Variants in DSCAM observed in about 807,000 individuals in gnomAD.
The protein encoded by DSCAM is DS cell adhesion molecule.
Under a neutral mutation model 217.7 loss-of-function variants are expected in DSCAM, and 47 were observed. The observed-to-expected ratio is 0.22, with a 90% CI of 0.17 to 0.28. DSCAM has a LOEUF of 0.28. Among genes scored for constraint, DSCAM ranks in the 10% least tolerant of loss-of-function variants. The pLI, the probability that DSCAM is intolerant of heterozygous loss-of-function variation, is 1.00. For missense variants in DSCAM, 2,080 were observed against 2,618.3 expected, an observed-to-expected ratio of 0.79 and a Z score of 4.49; for synonymous variants, 1,056 against 1,015.3, an observed-to-expected ratio of 1.04 and a Z score of -0.76.
At chr21:40,699,020 A>G (rs2090626138) in intron 2 of DSCAM, among the ~76,000 whole-genome samples, 1 of 152,106 alleles carries the variant, frequency 6.6e-6, no homozygotes, top group African/African-American at 2.4e-5. Flanking sequence ...TTACAAGTTG[A>G]AGATTTGTGG....
intron 9 of DSCAM, among the ~76,000 whole-genome samples, chr21:40,311,837 C>T (rs765673392): frequency 8.6e-5 from 13 of 151,358 alleles, no homozygotes; most frequent in Non-Finnish European, 1.9e-4. Context: ...TCCTATGGTT[C>T]CCACCTTCTT....
At chr21:40,072,513 ATT>A (rs1198528927) in intron 27 of DSCAM, among the ~76,000 whole-genome samples, 3 of 151,466 alleles carry the variant, frequency 2.0e-5, no homozygotes, top group Non-Finnish European at 4.4e-5. Context: ...CCCCCGGCTA[ATT>A]TTTTTTGTAT....
intron 20 of DSCAM, among the ~76,000 whole-genome samples, chr21:40,094,546 C>G (rs929023987): frequency 2.6e-5 from 4 of 152,156 alleles, no homozygotes; most frequent in Non-Finnish European, 5.9e-5. Flanking sequence ...TGTGAGGAAA[C>G]TACCCAAGGC....
At chr21:40,090,200 G>A (rs563529582) in intron 21 of DSCAM, among the ~76,000 whole-genome samples, 23 of 152,082 alleles carry the variant, frequency 1.5e-4, no homozygotes, top group South Asian at 1.2e-3. Flanking sequence ...TTGATTTCTC[G>A]TTTCTCCCTC....
intron 32 of DSCAM, among the ~76,000 whole-genome samples, chr21:40,041,237 C>T (rs1046948406): frequency 1.3e-5 from 2 of 151,984 alleles, no homozygotes; most frequent in Non-Finnish European, 2.9e-5. Context: ...AAATGAGAAA[C>T]AAAACTGGAT....
intron 1 of DSCAM, among the ~76,000 whole-genome samples, chr21:40,834,175 G>A (rs62225179): frequency 4.6e-5 from 7 of 151,718 alleles, no homozygotes; most frequent in Admixed American, 1.3e-4. Context: ...TTGGGAGGCC[G>A]AGGCGGGCGG....
chr21:40,123,266 C>T (rs914144864), intron 20 of DSCAM, among the ~76,000 whole-genome samples: 1 of 152,140 alleles, frequency 6.6e-6, no homozygotes, highest in Admixed American at 6.5e-5. Context: ...ACTCAATAAT[C>T]AAAGTGGTCA....
At chr21:40,540,710 C>A (rs1409117169) in intron 3 of DSCAM, among the ~76,000 whole-genome samples, 1 of 152,118 alleles carries the variant, frequency 6.6e-6, no homozygotes. Flanking sequence ...TGCCAAAATG[C>A]CCTAAAAGAG....
intron 3 of DSCAM, among the ~76,000 whole-genome samples, chr21:40,534,704 T>C (rs919000380): frequency 2.6e-5 from 4 of 152,236 alleles, no homozygotes; most frequent in Non-Finnish European, 5.9e-5. Flanking sequence ...GGCAATGATA[T>C]AGAGTGATAT....
At chr21:40,342,658 T>A (rs1310945831) in intron 6 of DSCAM, among the ~76,000 whole-genome samples, 25 of 135,056 alleles carry the variant, frequency 1.9e-4, no homozygotes, top group African/African-American at 7.2e-4. Flanking sequence ...ATTTTTTTTT[T>A]TTTTTTGAGA....
intron 1 of DSCAM, among the ~76,000 whole-genome samples, chr21:40,745,402 G>A (rs1175179031): frequency 1.3e-5 from 2 of 152,160 alleles, no homozygotes; most frequent in Admixed American, 1.3e-4. Context: ...ACTCAAAGCA[G>A]CAAGAGAAAG....
intron 3 of DSCAM, among the ~76,000 whole-genome samples, chr21:40,558,214 A>C (rs942119416): frequency 6.6e-6 from 1 of 152,122 alleles, no homozygotes; most frequent in Non-Finnish European, 1.5e-5. Context: ...CTAGAGGCCG[A>C]GATGGGCAGA....
chr21:40,359,864 C>T (rs1282553773), intron 4 of DSCAM, among the ~76,000 whole-genome samples: 3 of 151,986 alleles, frequency 2.0e-5, no homozygotes, highest in East Asian at 1.9e-4. Context: ...ATTAAATTGG[C>T]GTAATTGTGG....
chr21:40,083,666 T>C (rs2089493336), intron 24 of DSCAM, among the ~76,000 whole-genome samples: 2 of 152,248 alleles, frequency 1.3e-5, no homozygotes, highest in Admixed American at 1.3e-4. Context: ...TTTCTTTCTT[T>C]CTTGCAACTG....
intron 11 of DSCAM, among the ~76,000 whole-genome samples, chr21:40,258,648 T>C (rs2073406767): frequency 6.6e-6 from 1 of 152,228 alleles, no homozygotes; most frequent in Non-Finnish European, 1.5e-5. Flanking sequence ...GCTCCCACAA[T>C]TTAGCTTAAA....
intron 8 of DSCAM, among the ~76,000 whole-genome samples, chr21:40,325,138 G>A (rs1234333704): frequency 6.6e-6 from 1 of 152,142 alleles, no homozygotes; most frequent in African/African-American, 2.4e-5. Context: ...AATAATAACT[G>A]ACTTGAAGAG....
chr21:40,148,207 G>A (rs776264902), intron 16 of DSCAM, among the ~76,000 whole-genome samples: 1 of 151,788 alleles, frequency 6.6e-6, no homozygotes, highest in Non-Finnish European at 1.5e-5. Flanking sequence ...TTTTTTCAGG[G>A]TGCTAATATG....
chr21:40,776,146 C>T (rs980472340), intron 1 of DSCAM, among the ~76,000 whole-genome samples: 2 of 151,892 alleles, frequency 1.3e-5, no homozygotes, highest in East Asian at 1.9e-4. Context: ...TCATGTTTCT[C>T]GATGATGTTT....
intron 3 of DSCAM, among the ~76,000 whole-genome samples, chr21:40,446,800 A>T (rs1297615892): frequency 6.6e-6 from 1 of 152,170 alleles, no homozygotes; most frequent in East Asian, 1.9e-4. Flanking sequence ...AGAAATCTAG[A>T]AGTCTTTTAT....
Sources: gnomAD v4.1 joint callset for allele counts (sites outside exome capture counted in the v4.1 genomes callset) on GRCh38, gnomAD v4.1.1 for gene constraint, MANE v1.5 for transcripts, NCBI Gene and HGNC (gene_info 2026-07-23, HGNC 2026-07-21) for gene names.